Variants in CHCHD3 observed in about 807,000 individuals in gnomAD.
CHCHD3 encodes MICOS complex subunit MIC19.
In CHCHD3, 20 loss-of-function variants were observed where a neutral mutation model predicts 38.2. The ratio of observed to expected loss-of-function variants is 0.52; its 90% CI spans 0.37 to 0.76. The LOEUF is 0.76. CHCHD3 is among the 30% of genes least tolerant of loss of function. The pLI is 0.00. For synonymous variants in CHCHD3, 82 were observed against 100.0 expected (o/e 0.82, Z 1.07); for missense variants, 245 against 279.2 (o/e 0.88, Z 0.87).
rs377233545 is a variant in CHCHD3, at chr7:132,832,780, C to T, written c.524+5619G>A. On this transcript the variant is annotated intron_variant, in intron 6 of 7. Transcript: ENST00000262570. ...GTGTGGCATATCAGCTCCAATGTAG[C>T]CACAGAGATCTGATTCTGACATTGA... 7.2e-5 allele frequency among the ~76,000 whole-genome samples: 11 copies of T among 152,292 alleles called. No homozygotes were observed. In the South Asian group the frequency reaches 2.3e-3, roughly 32 times the overall value.
chr7:132,967,625 TTAAATAAATAAATAAA>T lies in CHCHD3; in HGVS notation c.369+7528_369+7543del, dbSNP rs72008953. ...GGGCAACGTGGCAAAATGCTGTTTC[TTAAATAAATAAATAAA>T]TAAATAAATAAATAAATAAATAAAT... On this transcript the variant is annotated intron_variant, in intron 4 of 7. Coordinates refer to ENST00000262570, the MANE Select transcript of CHCHD3 (RefSeq NM_017812.4). Among the ~76,000 whole-genome samples the T allele has an allele frequency of 1.3e-3, 188 of 140,020 alleles. 1 individual carries two copies. The highest frequency in any genetic ancestry group is 3.7e-3 in the African/African-American group (141 of 37,846). The allele number at this position is 140,020 out of a possible 152,430, so 91.9% of individuals were successfully genotyped here.
In CHCHD3 at chr7:132,896,534, G is replaced by A. The variant is rs886651902; in HGVS notation, c.370-10789C>T. ...CAGTGGCATATGCTCTGTGCTCTCC[G>A]CCCAACATCCATTTAAAACAAGAAC... On this transcript the variant is annotated intron_variant, in intron 4 of 7. Transcript: ENST00000262570. Among the ~76,000 whole-genome samples, 9 of 152,112 alleles carry A rather than the reference G, an allele frequency of 5.9e-5. No individual in the cohort carries two copies. In the East Asian group the frequency reaches 1.2e-3, roughly 20 times the overall value.
chr7:132,978,937 A>T (rs564663962), intron 3 of CHCHD3, among the ~76,000 whole-genome samples: 12 of 146,846 alleles, frequency 8.2e-5, no homozygotes, highest in South Asian at 6.2e-4. Context: ...TATAAATTTT[A>T]AAAAAACTTT....
intron 7 of CHCHD3, 46 bp downstream of exon 7, chr7:132,796,396 T>C: frequency 3.1e-6 from 5 of 1,607,148 alleles, no homozygotes; most frequent in Non-Finnish European, 4.3e-6. Flanking sequence ...GGTCATCCAG[T>C]TTTCAATTTG....
chr7:132,984,439 T>A (rs1444818789), intron 3 of CHCHD3, among the ~76,000 whole-genome samples: 3 of 150,628 alleles, frequency 2.0e-5, no homozygotes. Flanking sequence ...GCTGCCTGCC[T>A]TGGCCCCGCA....
At chr7:132,964,211 C>A (rs1043271125) in intron 4 of CHCHD3, among the ~76,000 whole-genome samples, 2 of 152,214 alleles carry the variant, frequency 1.3e-5, no homozygotes, top group Non-Finnish European at 2.9e-5. Flanking sequence ...CAGATTAATG[C>A]TTCTTTATTA....
intron 6 of CHCHD3, among the ~76,000 whole-genome samples, chr7:132,826,635 C>T (rs989085754): frequency 6.6e-6 from 1 of 152,122 alleles, no homozygotes; most frequent in African/African-American, 2.4e-5. Flanking sequence ...GGATGCTTGG[C>T]GACACTAACA....
At chr7:133,042,585 C>T (rs996107593) in intron 2 of CHCHD3, among the ~76,000 whole-genome samples, 1 of 152,182 alleles carries the variant, frequency 6.6e-6, no homozygotes, top group African/African-American at 2.4e-5. Context: ...TCAAAACTGG[C>T]TCTAGTCTGT....
intron 5 of CHCHD3, among the ~76,000 whole-genome samples, chr7:132,848,362 A>G (rs1240328031): frequency 6.6e-6 from 1 of 152,228 alleles, no homozygotes; most frequent in Non-Finnish European, 1.5e-5. Context: ...GATGTAGGCA[A>G]GTATGTTTTC....
chr7:132,938,114 C>G (rs532051491), intron 4 of CHCHD3, among the ~76,000 whole-genome samples: 9 of 152,302 alleles, frequency 5.9e-5, no homozygotes, highest in African/African-American at 1.4e-4. Context: ...CTGCCAAACA[C>G]AGCTATTGTT....
At position 132,796,934 on chromosome 7, in the gene CHCHD3, C is replaced by T. The variant is rs571245801; in HGVS notation, c.525-357G>A. Among the ~76,000 whole-genome samples the T allele has an allele frequency of 5.1e-4, 77 of 152,248 alleles. 1 individual carries two copies. Among genetic ancestry groups the T allele is most frequent in the Admixed American group, 9.8e-4 (15 of 15,286 alleles). On this transcript the variant is annotated intron_variant, in intron 6 of 7. Coordinates refer to ENST00000262570, the MANE Select transcript of CHCHD3 (RefSeq NM_017812.4). ...TTGGTCACAAAGTTGGAGATCCCTA[C>T]GGCCTGGTCCTCCTGCTCCACACTC...
intron 1 of CHCHD3, among the ~76,000 whole-genome samples, chr7:133,072,940 A>C (rs1199892611): frequency 6.6e-6 from 1 of 151,962 alleles, no homozygotes; most frequent in Non-Finnish European, 1.5e-5. Flanking sequence ...TTTCCATTTC[A>C]AGTAACTGAG....
At chr7:132,974,118 T>G in intron 4 of CHCHD3, 1 of 956,914 alleles carries the variant, frequency 1.0e-6, no homozygotes, top group Non-Finnish European at 1.4e-6. Context: ...TTCAGAAAAA[T>G]GTTCAGTGAC....
At chr7:132,961,341 A>T (rs1811314370) in intron 4 of CHCHD3, among the ~76,000 whole-genome samples, 1 of 152,208 alleles carries the variant, frequency 6.6e-6, no homozygotes, top group South Asian at 2.1e-4. Flanking sequence ...AACCATTCGA[A>T]AAGATGAATC....
At position 132,920,275 on chromosome 7, in the gene CHCHD3, T is replaced by C. The variant is rs560532125; in HGVS notation, c.370-34530A>G. On this transcript the variant is annotated intron_variant, in intron 4 of 7. Coordinates refer to ENST00000262570, the MANE Select transcript of CHCHD3 (RefSeq NM_017812.4). ...CACGCTACAATGACAGAGATAAGAA[T>C]TGCAAGAGAACCTATGGCAGGCAAA... Among the ~76,000 whole-genome samples, 9 of 152,330 alleles carry C rather than the reference T, an allele frequency of 5.9e-5. No homozygotes were observed. The East Asian group carries it at 1.5e-3, about 26-fold the overall frequency.
intron 4 of CHCHD3, among the ~76,000 whole-genome samples, chr7:132,935,020 T>C (rs570993632): frequency 6.6e-6 from 1 of 152,290 alleles, no homozygotes; most frequent in East Asian, 1.9e-4. Context: ...GGAGGAAGCC[T>C]CTGGAAAGAC....
chr7:132,931,309 A>C (rs1221074440), intron 4 of CHCHD3, among the ~76,000 whole-genome samples: 1 of 152,258 alleles, frequency 6.6e-6, no homozygotes, highest in Non-Finnish European at 1.5e-5. Flanking sequence ...AGTACAATGC[A>C]AACAAATATA....
intron 7 of CHCHD3, among the ~76,000 whole-genome samples, chr7:132,790,149 CT>C (rs774290281): frequency 3.3e-5 from 5 of 152,126 alleles, no homozygotes; most frequent in Non-Finnish European, 7.4e-5. Context: ...GTTCCTCCTG[CT>C]TTGGAGGAAA....
Position 132,824,286 on chromosome 7 carries a change from G to GA in CHCHD3, c.524+14112dup, listed in dbSNP as rs1212606024. The stretch of plus-strand genomic sequence containing the variant: ...TTATGGGGACCAGGGATAGGTGAAA[G>GA]AAAAAAATATTCCCAAGTAGTAGAA... On this transcript the variant is annotated intron_variant, in intron 6 of 7. Transcript: ENST00000262570. 3.9e-5 allele frequency among the ~76,000 whole-genome samples: 5 copies of GA among 127,496 alleles called. No individual in the cohort carries two copies. The East Asian group carries it at 1.2e-3, about 31-fold the overall frequency. 83.6% of individuals were successfully genotyped at this position (127,496 alleles called of 152,430 possible).
Sources: allele counts gnomAD v4.1 joint callset (sites outside exome capture counted in the v4.1 genomes callset), GRCh38; gene constraint gnomAD v4.1.1; transcripts MANE v1.5; gene names NCBI Gene and HGNC (gene_info 2026-07-23, HGNC 2026-07-21).